PRKAG2: variants seen among roughly 807,000 people sequenced by gnomAD.
PRKAG2 encodes protein kinase AMP-activated non-catalytic subunit gamma 2.
PRKAG2 carries 26 observed loss-of-function variants against 69.6 expected under a neutral mutation model. That is an observed-to-expected ratio of 0.37 (90% CI 0.27 to 0.52). The LOEUF is 0.52. Ranked by LOEUF, PRKAG2 falls within the 20% of genes least tolerant of loss-of-function variation. PRKAG2 has a pLI of 0.90. For missense variants in PRKAG2, 557 were observed against 740.0 expected, an observed-to-expected ratio of 0.75 and a Z score of 2.87; for synonymous variants, 293 against 285.0, an observed-to-expected ratio of 1.03 and a Z score of -0.28.
At chr7:151,657,774 A>G (rs1829663676) in intron 4 of PRKAG2, among the ~76,000 whole-genome samples, 1 of 152,220 alleles carries the variant, frequency 6.6e-6, no homozygotes, top group African/African-American at 2.4e-5. Flanking sequence ...GGATGAGACA[A>G]AAAAGCAGCT....
intron 4 of PRKAG2, among the ~76,000 whole-genome samples, chr7:151,674,268 C>A (rs1832546675): frequency 6.6e-6 from 1 of 152,222 alleles, no homozygotes; most frequent in Non-Finnish European, 1.5e-5. Flanking sequence ...AGGAAGAACT[C>A]TCCCTAGAGG....
At chr7:151,842,287 TGGTA>T (rs2079319350) in intron 1 of PRKAG2, among the ~76,000 whole-genome samples, 1 of 99,118 alleles carries the variant, frequency 1.0e-5, no homozygotes. Context: ...ATGGTAGCAA[TGGTA>T]GGTAGGGATG....
chr7:151,710,956 G>A (rs558021286), intron 3 of PRKAG2, among the ~76,000 whole-genome samples: 14 of 151,994 alleles, frequency 9.2e-5, no homozygotes, highest in Admixed American at 2.6e-4. Context: ...CTAGGCATAT[G>A]GTACCAGCAG....
intron 4 of PRKAG2, among the ~76,000 whole-genome samples, chr7:151,659,970 G>T (rs1330481853): frequency 1.3e-5 from 2 of 152,216 alleles, no homozygotes; most frequent in Non-Finnish European, 2.9e-5. Context: ...GAGGTGGGAG[G>T]ACTGCTTGAG....
At chr7:151,678,449 T>C (rs367627659) in intron 3 of PRKAG2, among the ~76,000 whole-genome samples, 10 of 152,258 alleles carry the variant, frequency 6.6e-5, no homozygotes, top group Non-Finnish European at 1.2e-4. Context: ...GCGCATGTTT[T>C]GTTTTGTGTG....
chr7:151,563,993 G>A, intron 14 of PRKAG2, 85 bp downstream of exon 14: 2 of 1,592,248 alleles, frequency 1.3e-6, no homozygotes, highest in Admixed American at 3.3e-5. Context: ...CCCTTCCTGA[G>A]ATTCAGGCTT....
intron 10 of PRKAG2, among the ~76,000 whole-genome samples, chr7:151,569,345 GT>G (rs1178041486): frequency 2.0e-5 from 3 of 152,242 alleles, no homozygotes; most frequent in Non-Finnish European, 2.9e-5. Flanking sequence ...AGGAAGAGGA[GT>G]TTTTTTAAAG....
At chr7:151,569,810 G>A (rs1233729409) in intron 10 of PRKAG2, among the ~76,000 whole-genome samples, 1 of 152,182 alleles carries the variant, frequency 6.6e-6, no homozygotes, top group Non-Finnish European at 1.5e-5. Flanking sequence ...AAACGCTAGT[G>A]TGGAGCAGAA....
intron 5 of PRKAG2, among the ~76,000 whole-genome samples, chr7:151,606,542 G>A (rs752276155): frequency 1.3e-5 from 2 of 152,106 alleles, no homozygotes; most frequent in Non-Finnish European, 2.9e-5. Context: ...TTCCTTGGCC[G>A]CGTGCGGTGG....
intron 3 of PRKAG2, among the ~76,000 whole-genome samples, chr7:151,729,001 C>T (rs996031800): frequency 2.6e-5 from 4 of 152,096 alleles, no homozygotes; most frequent in Non-Finnish European, 5.9e-5. Flanking sequence ...AGGTGACAGC[C>T]GCCTGGCCTG....
At chr7:151,680,420 T>C (rs2151492007) in intron 3 of PRKAG2, among the ~76,000 whole-genome samples, 1 of 152,236 alleles carries the variant, frequency 6.6e-6, no homozygotes, top group East Asian at 1.9e-4. Context: ...GATGGAGCGG[T>C]AAGTGAAGAA....
At chr7:151,778,190 C>T (rs539927541) in intron 3 of PRKAG2, among the ~76,000 whole-genome samples, 25 of 152,268 alleles carry the variant, frequency 1.6e-4, no homozygotes, top group South Asian at 1.0e-3. Context: ...TCCCTAGCCC[C>T]CTGCCCATCA....
rs562763802 is a variant in PRKAG2, at chr7:151,814,738, G to A, written c.115-28197C>T. On this transcript the variant is annotated intron_variant, in intron 1 of 15. Transcript: ENST00000287878. This position sits in a 1 kb window ranked among gnomAD's most constrained non-coding sequence, Gnocchi z 4.8. ...ACAGCATGGGCTGGCCTAAGACAGC[G>A]CAGGCAACGGTCTTGGTGGCTGGAG... 2.3e-5 allele frequency: 28 copies of A among 1,231,628 alleles called. No individual in the cohort carries two copies. Among genetic ancestry groups the A allele is most frequent in the South Asian group, 1.2e-4 (3 of 24,318 alleles). 76.3% of individuals were successfully genotyped at this position (1,231,628 alleles called of 1,614,324 possible). A position where few individuals can be genotyped will look rare whatever the true frequency, so the allele number is the denominator to read the frequency against.
intron 5 of PRKAG2, among the ~76,000 whole-genome samples, chr7:151,615,322 G>C (rs986901394): frequency 6.6e-6 from 1 of 152,198 alleles, no homozygotes; most frequent in African/African-American, 2.4e-5. Flanking sequence ...ATTGTGAATA[G>C]TGCTGCAATG....
intron 1 of PRKAG2, among the ~76,000 whole-genome samples, chr7:151,822,601 G>A (rs939126988): frequency 2.6e-5 from 4 of 152,202 alleles, no homozygotes; most frequent in South Asian, 2.1e-4. Context: ...TGAGAGGAAC[G>A]GTGAGCCGGC....
At chr7:151,726,082 T>A (rs778068744) in intron 3 of PRKAG2, among the ~76,000 whole-genome samples, 3 of 152,068 alleles carry the variant, frequency 2.0e-5, no homozygotes, top group Non-Finnish European at 2.9e-5. Flanking sequence ...GTGCTCCCTC[T>A]CCACAGGGGT....
intron 1 of PRKAG2, among the ~76,000 whole-genome samples, chr7:151,802,703 C>A (rs2077901687): frequency 6.6e-6 from 1 of 152,134 alleles, no homozygotes; most frequent in Admixed American, 6.5e-5. Context: ...GTGGTTGCTT[C>A]CTGCCTGCAG....
chr7:151,685,846 A>G (rs1017527751), intron 3 of PRKAG2, among the ~76,000 whole-genome samples: 19 of 152,128 alleles, frequency 1.2e-4, no homozygotes, highest in Middle Eastern at 3.4e-3. Flanking sequence ...TGGGATCCTC[A>G]TTTTTTTAAA....
rs1810993243 is a variant in PRKAG2, at chr7:151,583,633, T to C, written c.865-7181A>G. Among the ~76,000 whole-genome samples, 1 of 152,176 alleles carries C rather than the reference T, an allele frequency of 6.6e-6. No homozygotes were observed. The highest frequency in any genetic ancestry group is 2.1e-4 in the South Asian group (1 of 4,830). ...TGTTCCAATTAACCAATAAACAGGA[T>C]ACAAAGAGGACTAACACAATCTAGT... On this transcript the variant is annotated intron_variant, in intron 6 of 15. Transcript: ENST00000287878. This position sits in a 1 kb window ranked among gnomAD's most constrained non-coding sequence, Gnocchi z 4.1.
Sources: allele counts gnomAD v4.1 joint callset (sites outside exome capture counted in the v4.1 genomes callset), GRCh38; gene constraint gnomAD v4.1.1; non-coding constraint Gnocchi (gnomAD v3.1); transcripts MANE v1.5; gene names NCBI Gene and HGNC (gene_info 2026-07-23, HGNC 2026-07-21).